TIPARP: variants seen among roughly 807,000 people sequenced by gnomAD.
The protein encoded by TIPARP is protein mono-ADP-ribosyltransferase TIPARP.
A neutral mutation model predicts 56.5 loss-of-function variants in TIPARP; 12 were observed. The observed-to-expected ratio is 0.21, with a 90% confidence interval of 0.14 to 0.34. The LOEUF (loss-of-function observed/expected upper bound fraction) is 0.34. TIPARP is among the 10% of genes least tolerant of loss of function. The pLI is 1.00. For missense variants in TIPARP, 604 were observed against 781.6 expected (o/e 0.77, Z 2.71); for synonymous variants, 296 against 265.7 (o/e 1.11, Z -1.11).
intron 2 of TIPARP, among the ~76,000 whole-genome samples, chr3:156,683,677 T>G (rs1722359486): frequency 6.6e-6 from 1 of 152,222 alleles, no homozygotes; most frequent in Non-Finnish European, 1.5e-5. Flanking sequence ...GATCATAGAT[T>G]TACAATCTAC....
intron 2 of TIPARP, among the ~76,000 whole-genome samples, chr3:156,687,796 T>A (rs1722468617): frequency 6.6e-6 from 1 of 152,188 alleles, no homozygotes; most frequent in Non-Finnish European, 1.5e-5. Flanking sequence ...TCTAACGATT[T>A]ATGAATCAGA....
Position 156,705,147 on chromosome 3 carries a change from C to T in TIPARP, c.*16C>T, listed in dbSNP as rs1722949170. ...TTCCATTTGAAAAATCTTGGTACTG[C>T]TAAATTATTTGATATGAACTCAATC... On this transcript the variant is annotated 3_prime_UTR_variant, in exon 6 of 6. Coordinates refer to ENST00000295924, the MANE Select transcript of TIPARP (RefSeq NM_015508.5). 1 of 1,298,476 alleles carries T rather than the reference C, an allele frequency of 7.7e-7. No individual in the cohort carries two copies. Among genetic ancestry groups the T allele is most frequent in the Non-Finnish European group, 1.0e-6 (1 of 989,526 alleles). 80.4% of individuals were successfully genotyped at this position (1,298,476 alleles called of 1,614,324 possible). A position where few individuals can be genotyped will look rare whatever the true frequency, so the allele number is the denominator to read the frequency against.
chr3:156,678,220 C>T lies in TIPARP; in HGVS notation c.523C>T (p.Pro175Ser). 1 of 1,614,128 alleles carries T rather than the reference C, an allele frequency of 6.2e-7. No individual in the cohort carries two copies. The highest frequency in any genetic ancestry group is 8.5e-7 in the Non-Finnish European group (1 of 1,180,034). ...HPVSSDVPTS[P>S]DCLDKVIDYV... ...AGTTTCAAGTGATGTTCCTACTAGTCCTGACTGCTTAGACAAAGTCATAGA... is the reference window on the plus strand; with the variant it reads ...AGTTTCAAGTGATGTTCCTACTAGTTCTGACTGCTTAGACAAAGTCATAGA... Residue 175 changes from proline to serine, a missense_variant, in exon 2 of 6, where the codon CCT becomes TCT. By Grantham distance (74) the Pro-to-Ser change is moderately conservative (BLOSUM62 -1). Around this residue, in one of 4 missense-constraint regions of TIPARP, gnomAD observed 261 missense variants for 279.2 expected, o/e 0.93. Transcript: ENST00000295924.
intron 4 of TIPARP, among the ~76,000 whole-genome samples, chr3:156,702,006 G>A (rs901836787): frequency 4.2e-4 from 55 of 131,438 alleles, no homozygotes; most frequent in African/African-American, 1.4e-3. Flanking sequence ...AAGACTGTGT[G>A]TTGATGATAA....
intron 2 of TIPARP, among the ~76,000 whole-genome samples, chr3:156,684,020 T>C (rs2108489113): frequency 6.6e-6 from 1 of 152,344 alleles, no homozygotes; most frequent in South Asian, 2.1e-4. Flanking sequence ...AGTCTCCAAT[T>C]TGTGAGTTGC....
chr3:156,681,298 G>C (rs1722297937), intron 2 of TIPARP: 1 of 414,314 alleles, frequency 2.4e-6, no homozygotes, highest in African/African-American at 2.1e-5. Context: ...TGTGTGTTCA[G>C]CTGTGTATAT....
intron 4 of TIPARP, 81 bp downstream of exon 4, chr3:156,696,106 T>C (rs1298509806): frequency 6.8e-7 from 1 of 1,480,072 alleles, no homozygotes; most frequent in East Asian, 2.4e-5. Context: ...AAAAAATAAA[T>C]AAGAGTCTAC....
At chr3:156,689,835 T>C (rs1722521369) in intron 2 of TIPARP, among the ~76,000 whole-genome samples, 2 of 152,228 alleles carry the variant, frequency 1.3e-5, no homozygotes, top group Non-Finnish European at 2.9e-5. Flanking sequence ...GCCTGGTAGC[T>C]GGACCTGGCT....
chr3:156,701,167 T>G (rs1722834963), intron 4 of TIPARP, among the ~76,000 whole-genome samples: 2 of 152,316 alleles, frequency 1.3e-5, no homozygotes, highest in Non-Finnish European at 2.9e-5. Context: ...ATAGTCCAGT[T>G]TAATATCTTA....
chr3:156,695,106 A>G (rs181406991), intron 3 of TIPARP, among the ~76,000 whole-genome samples: 80 of 152,286 alleles, frequency 5.3e-4, no homozygotes, highest in African/African-American at 1.9e-3. Flanking sequence ...GCTGTTTAAA[A>G]TGTACTCTCA....
chr3:156,696,544 A>G (rs997852833), intron 4 of TIPARP, among the ~76,000 whole-genome samples: 2 of 152,212 alleles, frequency 1.3e-5, no homozygotes, highest in Non-Finnish European at 2.9e-5. Flanking sequence ...CACTAAAATT[A>G]CTTGTCATAC....
chr3:156,692,797 A>C (rs916277382), intron 2 of TIPARP, among the ~76,000 whole-genome samples: 1 of 152,186 alleles, frequency 6.6e-6, no homozygotes, highest in Non-Finnish European at 1.5e-5. Flanking sequence ...TTTTTGAAAC[A>C]AGTATTCTAA....
At chr3:156,678,713 G>T in intron 2 of TIPARP, 99 bp downstream of exon 2, 1 of 1,083,362 alleles carries the variant, frequency 9.2e-7, no homozygotes, top group South Asian at 1.7e-5. Context: ...GTAGTAACAG[G>T]TTTTCTTTTT....
rs577952394 is a variant in TIPARP, at chr3:156,695,423, T to C, written c.1087-442T>C. Among the ~76,000 whole-genome samples, 292 of 152,104 alleles carry C rather than the reference T, an allele frequency of 1.9e-3. 1 individual carries two copies. Among genetic ancestry groups the C allele is most frequent in the African/African-American group, 6.7e-3 (278 of 41,496 alleles). ...TTGTGGAGACAGGATCTTGCGATGT[T>C]GCCCAGTCTAGTCTCGAACTCCTGG... On this transcript the variant is annotated intron_variant, in intron 3 of 5. Coordinates refer to ENST00000295924, the MANE Select transcript of TIPARP (RefSeq NM_015508.5).
Position 156,703,784 on chromosome 3 carries a change from C to T in TIPARP, c.1526+82C>T, listed in dbSNP as rs7620352. On this transcript the variant is annotated intron_variant, in intron 5 of 5. Coordinates refer to ENST00000295924, the MANE Select transcript of TIPARP (RefSeq NM_015508.5). ...ATCCCAGCACTTTGGGAGGCCGAGGCGGGCAGATTACGAGGTCAGGAGATC... is the reference window on the plus strand; with the variant it reads ...ATCCCAGCACTTTGGGAGGCCGAGGTGGGCAGATTACGAGGTCAGGAGATC... 7.6e-3 allele frequency: 10,808 copies of T among 1,427,142 alleles called. 708 individuals are homozygous for T. The African/African-American group carries it at 0.14, about 18-fold the overall frequency. The allele number at this position is 1,427,142 out of a possible 1,614,324, so 88.4% of individuals were successfully genotyped here. A position where few individuals can be genotyped will look rare whatever the true frequency, so the allele number is the denominator to read the frequency against.
At chr3:156,695,844 G>GTTTTTTTTTTTC in intron 3 of TIPARP, 21 bp from the exon 4 acceptor site, 1 of 633,068 alleles carries the variant, frequency 1.6e-6, no homozygotes. Context: ...TTTTTTTTTT[G>GTTTTTTTTTTTC]TTCTGTTTTC....
intron 2 of TIPARP, among the ~76,000 whole-genome samples, chr3:156,679,903 C>T (rs62276619): frequency 0.032 from 4,873 of 152,206 alleles, 112 homozygotes; most frequent in Non-Finnish European, 0.048. Context: ...AGAGCTTGTT[C>T]GCATTACAGA....
intron 1 of TIPARP, chr3:156,676,602 G>C (rs1437714799): frequency 6.6e-6 from 1 of 152,204 alleles, no homozygotes; most frequent in African/African-American, 2.4e-5. Context: ...TAAGTCATGG[G>C]ACCTTGCGTC....
At chr3:156,699,586 T>C (rs895710069) in intron 4 of TIPARP, among the ~76,000 whole-genome samples, 1 of 152,212 alleles carries the variant, frequency 6.6e-6, no homozygotes, top group Non-Finnish European at 1.5e-5. Flanking sequence ...TGGTATAGTA[T>C]AAACATAACT....
Sources: allele counts gnomAD v4.1 joint callset (sites outside exome capture counted in the v4.1 genomes callset), GRCh38; gene constraint gnomAD v4.1.1; regional missense constraint gnomAD v4.1.1; transcripts MANE v1.5; gene names NCBI Gene and HGNC (gene_info 2026-07-23, HGNC 2026-07-21).